ASAP3: variants seen among roughly 807,000 people sequenced by gnomAD.
The protein encoded by ASAP3 is arf-GAP with SH3 domain, ANK repeat and PH domain-containing protein 3.
ASAP3 carries 85 observed loss-of-function variants against 118.2 expected under a neutral mutation model. The ratio of observed to expected loss-of-function variants is 0.72; its 90% CI spans 0.60 to 0.86. The LOEUF (loss-of-function observed/expected upper bound fraction) is 0.86, where lower values mean the gene tolerates loss of function less well. Among genes scored for constraint, ASAP3 ranks in the 40% least tolerant of loss-of-function variants. ASAP3 has a pLI of 0.00. For synonymous variants in ASAP3, 432 were observed against 477.4 expected (o/e 0.90, Z 1.24); for missense variants, 1,026 against 1,175.0 (o/e 0.87, Z 1.85).
rs537036849 is a variant in ASAP3 at position 23,455,951 on chromosome 1, T to C, written c.278A>G (p.His93Arg). 1.2e-6 allele frequency: 2 copies of C among 1,614,140 alleles called. No individual in the cohort carries two copies. The highest frequency in any genetic ancestry group is 2.2e-5 in the South Asian group (2 of 91,082). The change falls in exon 3 of 25, where the codon CAT becomes CGT. Residue 93 changes from histidine to arginine, a missense_variant. Transcript: ENST00000336689. Reference sequence around the variant, plus strand: ...GTTTAGGAAGCCTGTGGACAGCTCATGGCTGTTCTGGGACAGGTGGCTGTT... The same window carrying C: ...GTTTAGGAAGCCTGTGGACAGCTCACGGCTGTTCTGGGACAGGTGGCTGTT... Reference protein sequence around the residue: ...LGNSHLSQNSHELSTGFLNLA... With the variant: ...LGNSHLSQNSRELSTGFLNLA...
intron 1 of ASAP3, among the ~76,000 whole-genome samples, chr1:23,476,279 G>A (rs903580405): frequency 1.3e-5 from 2 of 150,956 alleles, no homozygotes; most frequent in African/African-American, 2.4e-5. Flanking sequence ...CCGGGAGGTG[G>A]AGGTTGCAGT....
rs1018313729 is a variant in ASAP3 at position 23,436,854 on chromosome 1, T to C, written c.1476+57A>G. 6 of 1,578,786 alleles carry C rather than the reference T, an allele frequency of 3.8e-6. No individual in the cohort carries two copies. In the South Asian group the frequency reaches 6.8e-5, roughly 18 times the overall value. On this transcript the variant is annotated intron_variant, in intron 15 of 24. Transcript: ENST00000336689. The surrounding 1 kb of genome is among the most constrained non-coding windows in gnomAD (Gnocchi z 4.2). ...ACAACCTGCAAGCCCCGCCCCCGGA[T>C]GAAACTACACCCCTAACTCCGCTTC...
At chr1:23,447,658 G>A (rs1641091575) in intron 5 of ASAP3, among the ~76,000 whole-genome samples, 1 of 152,192 alleles carries the variant, frequency 6.6e-6, no homozygotes, top group Admixed American at 6.5e-5. Flanking sequence ...TTCAAGTGAT[G>A]GCAATGATGA....
At chr1:23,467,634 T>C (rs1014960451) in intron 1 of ASAP3, among the ~76,000 whole-genome samples, 1 of 152,108 alleles carries the variant, frequency 6.6e-6, no homozygotes, top group Non-Finnish European at 1.5e-5. Context: ...CAGGTTTCAC[T>C]GGAAATGCAA....
chr1:23,456,389 A>G (rs1195139837), intron 1 of ASAP3, among the ~76,000 whole-genome samples, 195 bp from the exon 2 acceptor site: 1 of 152,112 alleles, frequency 6.6e-6, no homozygotes, highest in African/African-American at 2.4e-5. Flanking sequence ...GAAACCACAG[A>G]CCAGTCACAC....
In ASAP3 at chr1:23,438,739, C is replaced by T; in HGVS notation, c.1102+8G>A. On this transcript the variant is annotated splice_region_variant and intron_variant, in intron 12 of 24. Transcript: ENST00000336689. The surrounding 1 kb of genome is among the most constrained non-coding windows in gnomAD (Gnocchi z 4.9). ...TGTGGGTGGGGGAGAGGCACAGGGA[C>T]CACTCACGGGTCACCAGGTCGAAGC... The T allele has an allele frequency of 1.2e-6, 2 of 1,613,878 alleles. No homozygotes were observed. The highest frequency in any genetic ancestry group is 1.7e-6 in the Non-Finnish European group (2 of 1,179,794).
At chr1:23,466,969 G>A (rs1641789827) in intron 1 of ASAP3, among the ~76,000 whole-genome samples, 1 of 152,074 alleles carries the variant, frequency 6.6e-6, no homozygotes, top group African/African-American at 2.4e-5. Context: ...CCAGGTTCAA[G>A]CAATTATCCT....
chr1:23,475,985 T>C (rs1642114215), intron 1 of ASAP3, among the ~76,000 whole-genome samples: 1 of 151,532 alleles, frequency 6.6e-6, no homozygotes, highest in Non-Finnish European at 1.5e-5. Flanking sequence ...AAAAATAGAA[T>C]TCTTGATTTC....
intron 1 of ASAP3, among the ~76,000 whole-genome samples, chr1:23,480,597 T>C (rs1032524530): frequency 2.6e-5 from 4 of 152,196 alleles, no homozygotes; most frequent in Non-Finnish European, 5.9e-5. Context: ...TTCTTACTGA[T>C]CTCCCTGTAA....
At chr1:23,448,345 A>C (rs747438606) in intron 5 of ASAP3, among the ~76,000 whole-genome samples, 28 of 152,368 alleles carry the variant, frequency 1.8e-4, no homozygotes, top group Non-Finnish European at 3.8e-4. Context: ...GGGAATAACA[A>C]TAGCAGCTTT....
chr1:23,481,358 A>G (rs755092160), intron 1 of ASAP3, among the ~76,000 whole-genome samples: 1 of 152,216 alleles, frequency 6.6e-6, no homozygotes, highest in Non-Finnish European at 1.5e-5. Flanking sequence ...AGTCAAATAG[A>G]GCTACAAGCC....
chr1:23,463,843 C>T (rs1641674233), intron 1 of ASAP3, among the ~76,000 whole-genome samples: 1 of 152,118 alleles, frequency 6.6e-6, no homozygotes, highest in Admixed American at 6.5e-5. Context: ...CGTGATCCGC[C>T]TGCCTCGGCC....
chr1:23,464,906 T>A (rs1641717911), intron 1 of ASAP3, among the ~76,000 whole-genome samples: 1 of 152,166 alleles, frequency 6.6e-6, no homozygotes, highest in African/African-American at 2.4e-5. Flanking sequence ...TGGGAATTAC[T>A]GTTCTAATTC....
rs1640445174 is a variant in ASAP3, at chr1:23,431,803, T to C, written c.2439A>G (p.Gln813=). The change falls in exon 23 of 25, where the codon CAA becomes CAG. Residue 813 remains glutamine, a synonymous_variant. Transcript: ENST00000336689. ...GGCCCTCTTCAGAGTTGGGTGGGGC[T>C]TGGCTGGGATCCCCAGGTTCCAAGG... ...MSPLEPGDPS[Q]APPNSEEGLR... is the part of the protein sequence containing the mutation. The C allele has an allele frequency of 1.9e-6, 3 of 1,555,300 alleles. No homozygotes were observed. The highest frequency in any genetic ancestry group is 2.6e-6 in the Non-Finnish European group (3 of 1,157,836).
At chr1:23,470,317 G>C (rs1031535835) in intron 1 of ASAP3, among the ~76,000 whole-genome samples, 2 of 152,228 alleles carry the variant, frequency 1.3e-5, no homozygotes, top group Admixed American at 6.5e-5. Context: ...GTTTTCCTCT[G>C]GATCAGCCCC....
At chr1:23,453,731 T>C (rs1048015851) in intron 3 of ASAP3, among the ~76,000 whole-genome samples, 2 of 152,122 alleles carry the variant, frequency 1.3e-5, no homozygotes, top group African/African-American at 4.8e-5. Context: ...TCCCGCCTGG[T>C]CTATGCTGAT....
intron 1 of ASAP3, among the ~76,000 whole-genome samples, chr1:23,483,104 G>A (rs61778890): frequency 0.095 from 14,512 of 152,254 alleles, 847 homozygotes; most frequent in Non-Finnish European, 0.13. Context: ...TGACACTGGC[G>A]CAGGGTGTTA....
intron 3 of ASAP3, among the ~76,000 whole-genome samples, chr1:23,453,963 C>A (rs1641304228): frequency 6.6e-6 from 1 of 152,086 alleles, no homozygotes; most frequent in Non-Finnish European, 1.5e-5. Flanking sequence ...ACTAGTTTGA[C>A]TGAAACAGGG....
At chr1:23,442,449 G>A in intron 6 of ASAP3, 52 bp downstream of exon 6, 1 of 1,600,568 alleles carries the variant, frequency 6.2e-7, no homozygotes, top group Non-Finnish European at 8.5e-7. Context: ...TGGAGAGGCA[G>A]ACAGGAAGAC....
Sources: allele counts gnomAD v4.1 joint callset (sites outside exome capture counted in the v4.1 genomes callset), GRCh38; gene constraint gnomAD v4.1.1; non-coding constraint Gnocchi (gnomAD v3.1); transcripts MANE v1.5; gene names NCBI Gene and HGNC (gene_info 2026-07-23, HGNC 2026-07-21).